Variants in CLSTN2 observed in about 807,000 individuals in gnomAD.
The protein encoded by CLSTN2 is calsyntenin-2.
Under a neutral mutation model 101.2 loss-of-function variants are expected in CLSTN2, and 48 were observed. The ratio of observed to expected loss-of-function variants is 0.47; its 90% confidence interval spans 0.38 to 0.60. The LOEUF (loss-of-function observed/expected upper bound fraction) is 0.60. CLSTN2 is among the 20% of genes least tolerant of loss of function. The pLI is 0.00. For synonymous variants in CLSTN2, 481 were observed against 463.6 expected (o/e 1.04, Z -0.48); for missense variants, 1,160 against 1,238.2 (o/e 0.94, Z 0.95).
chr3:140,042,966 T>A (rs1371228156), intron 1 of CLSTN2, among the ~76,000 whole-genome samples: 1 of 152,222 alleles, frequency 6.6e-6, no homozygotes, highest in African/African-American at 2.4e-5. Flanking sequence ...CTATTGTGAA[T>A]AGTGCCACAA....
Position 140,395,035 on chromosome 3 carries a change from A to T in CLSTN2, c.233-8594A>T, listed in dbSNP as rs2088165150. On this transcript the variant is annotated intron_variant, in intron 2 of 16. Transcript: ENST00000458420. ...CAGCATATAAATAAGTTTTTACGTCATGTATTCACCCAACAAATATTGCCA... is the reference window on the plus strand; with the variant it reads ...CAGCATATAAATAAGTTTTTACGTCTTGTATTCACCCAACAAATATTGCCA... Among the ~76,000 whole-genome samples, 5 of 152,334 alleles carry T rather than the reference A, an allele frequency of 3.3e-5. No individual in the cohort carries two copies. In the South Asian group the frequency reaches 8.3e-4, roughly 25 times the overall value.
chr3:140,542,287 C>A (rs965691924), intron 9 of CLSTN2, among the ~76,000 whole-genome samples: 6 of 152,128 alleles, frequency 3.9e-5, no homozygotes, highest in African/African-American at 7.2e-5. Context: ...CATGTAAGCT[C>A]CTGAAGACCA....
At chr3:140,333,714 G>A (rs1028219336) in intron 2 of CLSTN2, among the ~76,000 whole-genome samples, 6 of 145,022 alleles carry the variant, frequency 4.1e-5, no homozygotes, top group Non-Finnish European at 9.3e-5. Flanking sequence ...GTGTGTGTGT[G>A]TATCTGAATT....
At chr3:140,135,117 CATATATATATATATATATATATATATAT>C (rs66931848) in intron 1 of CLSTN2, among the ~76,000 whole-genome samples, 6 of 58,120 alleles carry the variant, frequency 1.0e-4, no homozygotes, top group South Asian at 6.4e-4. Context: ...CACACACACA[CATATATATATATATATATATATATATAT>C]ATATATATAT....
intron 7 of CLSTN2, among the ~76,000 whole-genome samples, chr3:140,461,758 C>A (rs6439929): frequency 0.38 from 57,063 of 151,844 alleles, 11,721 homozygotes; most frequent in African/African-American, 0.54. Flanking sequence ...AACTGTCATC[C>A]CAGCAGTCCC....
At chr3:139,989,268 C>T (rs1475440723) in intron 1 of CLSTN2, among the ~76,000 whole-genome samples, 1 of 152,190 alleles carries the variant, frequency 6.6e-6, no homozygotes, top group Non-Finnish European at 1.5e-5. Context: ...AGGACCCCAC[C>T]TTATTACTGC....
intron 1 of CLSTN2, among the ~76,000 whole-genome samples, chr3:140,073,203 T>C (rs143905752): frequency 6.6e-6 from 1 of 152,294 alleles, no homozygotes; most frequent in East Asian, 1.9e-4. Flanking sequence ...TCTGAGTTCC[T>C]GACTACAAGA....
chr3:140,437,610 CTG>C (rs1338301957), intron 5 of CLSTN2, among the ~76,000 whole-genome samples: 2 of 152,198 alleles, frequency 1.3e-5, no homozygotes, highest in Non-Finnish European at 2.9e-5. Context: ...CGGGAGCCCT[CTG>C]TGACAACAGA....
intron 1 of CLSTN2, among the ~76,000 whole-genome samples, chr3:140,038,286 C>A (rs1000142610): frequency 6.6e-6 from 1 of 152,136 alleles, no homozygotes; most frequent in East Asian, 1.9e-4. Context: ...ATTTGCATTT[C>A]TCTAATGATC....
At chr3:140,201,699 C>T (rs1445484420) in intron 2 of CLSTN2, among the ~76,000 whole-genome samples, 1 of 151,964 alleles carries the variant, frequency 6.6e-6, no homozygotes, top group Non-Finnish European at 1.5e-5. Context: ...ATCAGTAAGC[C>T]AAAAAGTGTT....
At position 139,955,112 on chromosome 3, in the gene CLSTN2, C is replaced by CTATATATACATATATATA. The variant is rs1440167224; in HGVS notation, c.109+19637_109+19638insCATATATATATATATATA. Among the ~76,000 whole-genome samples, 13 of 71,546 alleles carry CTATATATACATATATATA rather than the reference C, an allele frequency of 1.8e-4. 1 individual carries two copies. The highest frequency in any genetic ancestry group is 7.3e-4 in the African/African-American group (13 of 17,862). The allele number at this position is 71,546 out of a possible 152,430, so 46.9% of individuals were successfully genotyped here. On this transcript the variant is annotated intron_variant, in intron 1 of 16. Coordinates refer to ENST00000458420, the MANE Select transcript of CLSTN2 (RefSeq NM_022131.3). ...CATACATGTATATATGGCAATATTG[C>CTATATATACATATATATA]TATATATATATATATATATATATAT... is the stretch of plus-strand genomic sequence containing the variant.
intron 4 of CLSTN2, among the ~76,000 whole-genome samples, chr3:140,410,615 G>A (rs1373631478): frequency 6.6e-6 from 1 of 151,848 alleles, no homozygotes; most frequent in African/African-American, 2.4e-5. Context: ...ATCATATGAA[G>A]GTATGAAACT....
At chr3:140,545,973 C>T (rs1935575901) in intron 9 of CLSTN2, among the ~76,000 whole-genome samples, 1 of 152,178 alleles carries the variant, frequency 6.6e-6, no homozygotes, top group Non-Finnish European at 1.5e-5. Flanking sequence ...AGTCTCATGC[C>T]AAGCTCTCAG....
intron 1 of CLSTN2, among the ~76,000 whole-genome samples, chr3:140,135,129 T>C (rs201683943): frequency 0.13 from 12,292 of 98,066 alleles, 747 homozygotes; most frequent in Non-Finnish European, 0.14. Flanking sequence ...TATATATATA[T>C]ATATATATAT....
intron 2 of CLSTN2, among the ~76,000 whole-genome samples, chr3:140,283,232 G>A (rs1050489968): frequency 2.6e-5 from 4 of 152,070 alleles, no homozygotes; most frequent in African/African-American, 9.7e-5. Flanking sequence ...ACTAGTTCAG[G>A]TGAAGCCCTA....
intron 6 of CLSTN2, chr3:140,449,358 C>T (rs1933182555): frequency 6.6e-6 from 1 of 152,084 alleles, no homozygotes; most frequent in Non-Finnish European, 1.5e-5. Flanking sequence ...ATACACAAAA[C>T]CAAAAGTGAG....
intron 10 of CLSTN2, among the ~76,000 whole-genome samples, chr3:140,551,749 T>C (rs1018255192): frequency 6.6e-5 from 10 of 151,326 alleles, no homozygotes; most frequent in Admixed American, 5.9e-4. Context: ...TAAATTGATA[T>C]TATTTACCTT....
At position 140,486,915 on chromosome 3, in the gene CLSTN2, GA is replaced by G. The variant is rs762249631; in HGVS notation, c.1344+20187del. Reference sequence around the variant, plus strand: ...AGAAAATTCTGAGTTTTGGACCTGGGAAAGTAAGAGAGCACCAACAGATGTA... The same window carrying G: ...AGAAAATTCTGAGTTTTGGACCTGGGAAGTAAGAGAGCACCAACAGATGTA... On this transcript the variant is annotated intron_variant, in intron 8 of 16. Coordinates refer to ENST00000458420, the MANE Select transcript of CLSTN2 (RefSeq NM_022131.3). Among the ~76,000 whole-genome samples the G allele has an allele frequency of 7.9e-5, 12 of 152,304 alleles. No individual in the cohort carries two copies. The East Asian group carries it at 1.5e-3, about 20-fold the overall frequency.
In CLSTN2 at chr3:139,935,247, G is replaced by C. The variant is rs1934998393; in HGVS notation, c.-128G>C. 1 of 414,638 alleles carries C rather than the reference G, an allele frequency of 2.4e-6. No individual in the cohort carries two copies. Among genetic ancestry groups the C allele is most frequent in the South Asian group, 1.3e-4 (1 of 7,904 alleles). The allele number at this position is 414,638 out of a possible 1,614,324, so 25.7% of individuals were successfully genotyped here. A position where few individuals can be genotyped will look rare whatever the true frequency, so the allele number is the denominator to read the frequency against. ...CGGCGGGAACCCGAGGCCGAGCGCCGCGGCGGCAGCGCTAGAAGCGCACCC... is the reference window on the plus strand; with the variant it reads ...CGGCGGGAACCCGAGGCCGAGCGCCCCGGCGGCAGCGCTAGAAGCGCACCC... On this transcript the variant is annotated 5_prime_UTR_variant, in exon 1 of 17. Coordinates refer to ENST00000458420, the MANE Select transcript of CLSTN2 (RefSeq NM_022131.3). This position sits in a 1 kb window ranked among gnomAD's most constrained non-coding sequence, Gnocchi z 5.5.
Sources: allele counts gnomAD v4.1 joint callset (sites outside exome capture counted in the v4.1 genomes callset), GRCh38; gene constraint gnomAD v4.1.1; non-coding constraint Gnocchi (gnomAD v3.1); transcripts MANE v1.5; gene names NCBI Gene and HGNC (gene_info 2026-07-23, HGNC 2026-07-21).